Variants in DHX15 observed in about 807,000 individuals in gnomAD.
The protein encoded by DHX15 is DEAH-box helicase 15.
A neutral mutation model predicts 94.4 loss-of-function variants in DHX15; 11 were observed. That is an observed-to-expected ratio of 0.12 (90% CI 0.07 to 0.19). DHX15 has a LOEUF of 0.19. DHX15 is among the 10% of genes least tolerant of loss of function. DHX15 has a pLI of 1.00. For synonymous variants in DHX15, 338 were observed against 329.9 expected (o/e 1.02, Z -0.27); for missense variants, 304 against 988.5 (o/e 0.31, Z 9.29).
At chr4:24,548,081 T>C (rs1476434575) in intron 6 of DHX15, among the ~76,000 whole-genome samples, 1 of 150,148 alleles carries the variant, frequency 6.7e-6, no homozygotes. Flanking sequence ...TTTGACAGGA[T>C]CTAGATGAAG....
chr4:24,571,341 C>T (rs1423047447), intron 2 of DHX15, among the ~76,000 whole-genome samples: 1 of 152,146 alleles, frequency 6.6e-6, no homozygotes, highest in Non-Finnish European at 1.5e-5. Flanking sequence ...TAATCCTATC[C>T]TTTCCCCCTC....
At chr4:24,547,065 A>C (rs1001893824) in intron 6 of DHX15, among the ~76,000 whole-genome samples, 1 of 152,184 alleles carries the variant, frequency 6.6e-6, no homozygotes, top group African/African-American at 2.4e-5. Context: ...GTTCTTCCTC[A>C]TAATGAAAAT....
At chr4:24,561,873 G>A (rs899678863) in intron 3 of DHX15, among the ~76,000 whole-genome samples, 17 of 152,172 alleles carry the variant, frequency 1.1e-4, no homozygotes, top group Admixed American at 4.6e-4. Flanking sequence ...ACACCAGCCC[G>A]TAATCCCAGC....
Position 24,555,220 on chromosome 4 carries a change from A to C in DHX15, c.862-277T>G, listed in dbSNP as rs552877281. Reference sequence around the variant, plus strand: ...TTTTATAAAATTATATGTAATTCAGATTGCTAAAAGAAAACATTAATATGC... The same window carrying C: ...TTTTATAAAATTATATGTAATTCAGCTTGCTAAAAGAAAACATTAATATGC... On this transcript the variant is annotated intron_variant, in intron 4 of 13. Transcript: ENST00000336812. Among the ~76,000 whole-genome samples, 3 of 152,116 alleles carry C rather than the reference A, an allele frequency of 2.0e-5. No homozygotes were observed. In the East Asian group the frequency reaches 5.8e-4, roughly 29 times the overall value.
At chr4:24,577,344 T>C (rs867263321) in intron 1 of DHX15, among the ~76,000 whole-genome samples, 77 of 152,244 alleles carry the variant, frequency 5.1e-4, no homozygotes, top group African/African-American at 1.8e-3. Context: ...GAATTTGTTT[T>C]CTTAGTTATA....
Position 24,581,462 on chromosome 4 carries a change from A to G in DHX15, c.71+2861T>C, listed in dbSNP as rs550456436. Among the ~76,000 whole-genome samples the G allele has an allele frequency of 1.2e-4, 19 of 152,370 alleles. No individual in the cohort carries two copies. In the East Asian group the frequency reaches 3.1e-3, roughly 25 times the overall value. ...TTTTATAGTTCATATTTTTGAGTCA[A>G]TATGCAGAGATCTTAGAAAATGTTC... On this transcript the variant is annotated intron_variant, in intron 1 of 13. Coordinates refer to ENST00000336812, the MANE Select transcript of DHX15 (RefSeq NM_001358.3).
chr4:24,551,865 T>G (rs1052377206), intron 5 of DHX15, among the ~76,000 whole-genome samples: 5 of 152,194 alleles, frequency 3.3e-5, no homozygotes, highest in Non-Finnish European at 4.4e-5. Flanking sequence ...GTGCTTAAAT[T>G]AGACATTTGC....
rs943840351 is a variant in DHX15, at chr4:24,541,011, A to G, written c.1486-63T>C. 1.3e-5 allele frequency: 13 copies of G among 1,011,414 alleles called. No individual in the cohort carries two copies. The African/African-American group carries it at 2.1e-4, about 16-fold the overall frequency. The allele number at this position is 1,011,414 out of a possible 1,614,324, so 62.7% of individuals were successfully genotyped here. The stretch of plus-strand genomic sequence containing the variant: ...AATGCCTCAGTCTCCTCGTTCCAGA[A>G]AACAAAAATCTGCTGCCTCCTGAGC... On this transcript the variant is annotated intron_variant, in intron 8 of 13. Transcript: ENST00000336812.
chr4:24,554,478 A>G (rs1382505319), intron 5 of DHX15, among the ~76,000 whole-genome samples: 1 of 152,202 alleles, frequency 6.6e-6, no homozygotes, highest in African/African-American at 2.4e-5. Flanking sequence ...TTAAACTACA[A>G]TTGCAAAATC....
At chr4:24,534,662 C>A (rs773888585) in intron 11 of DHX15, among the ~76,000 whole-genome samples, 3 of 152,052 alleles carry the variant, frequency 2.0e-5, no homozygotes, top group Non-Finnish European at 4.4e-5. Context: ...CAAGGTACTG[C>A]AAAATAACTT....
In DHX15 at chr4:24,584,487, A is replaced by G; in HGVS notation, c.-94T>C. On this transcript the variant is annotated 5_prime_UTR_variant, in exon 1 of 14. Transcript: ENST00000336812. ...AGCCACTTAACTCTGGAGGACCCCCACCCCTCCCGCTACTACAGCCCACAC... is the reference window on the plus strand; with the variant it reads ...AGCCACTTAACTCTGGAGGACCCCCGCCCCTCCCGCTACTACAGCCCACAC... 8.2e-7 allele frequency: 1 copy of G among 1,222,140 alleles called. No individual in the cohort carries two copies. The highest frequency in any genetic ancestry group is 1.1e-6 in the Non-Finnish European group (1 of 874,688). 75.7% of individuals were successfully genotyped at this position (1,222,140 alleles called of 1,614,324 possible). A position where few individuals can be genotyped will look rare whatever the true frequency, so the allele number is the denominator to read the frequency against.
At chr4:24,556,918 A>C (rs1721750139) in intron 3 of DHX15, among the ~76,000 whole-genome samples, 1 of 152,202 alleles carries the variant, frequency 6.6e-6, no homozygotes, top group Admixed American at 6.5e-5. Context: ...TGAAAGCGTG[A>C]GTCCTCCCAC....
intron 1 of DHX15, among the ~76,000 whole-genome samples, chr4:24,581,745 CT>C (rs773589115): frequency 1.4e-4 from 22 of 152,260 alleles, no homozygotes; most frequent in South Asian, 4.1e-4. Context: ...AAAAACGCCC[CT>C]AACATCGAAA....
At chr4:24,569,067 G>A (rs1000177650) in intron 3 of DHX15, among the ~76,000 whole-genome samples, 2 of 152,116 alleles carry the variant, frequency 1.3e-5, no homozygotes, top group African/African-American at 4.8e-5. Context: ...TGACACAAAT[G>A]TTGAATGAAA....
At chr4:24,545,785 A>T (rs1721409710) in intron 6 of DHX15, among the ~76,000 whole-genome samples, 1 of 152,198 alleles carries the variant, frequency 6.6e-6, no homozygotes, top group Non-Finnish European at 1.5e-5. Context: ...TTGTCAAGGG[A>T]TTTACATTAT....
chr4:24,542,907 CTCTAA>C (rs1454278379), intron 7 of DHX15, 28 bp downstream of exon 7: 41 of 1,511,962 alleles, frequency 2.7e-5, no homozygotes, highest in Non-Finnish European at 3.7e-5. Flanking sequence ...GTTAAACCAA[CTCTAA>C]TTTATAAAGT....
intron 6 of DHX15, among the ~76,000 whole-genome samples, chr4:24,543,556 A>G (rs568834130): frequency 6.6e-6 from 1 of 152,266 alleles, no homozygotes; most frequent in African/African-American, 2.4e-5. Context: ...AATCAAATGT[A>G]AATATTTCGG....
intron 1 of DHX15, among the ~76,000 whole-genome samples, chr4:24,583,998 G>T (rs1722543600): frequency 6.6e-6 from 1 of 152,112 alleles, no homozygotes. Flanking sequence ...CCGAGGCCAC[G>T]AGGTCCGCGG....
chr4:24,555,045 T>C lies in DHX15; in HGVS notation c.862-102A>G, dbSNP rs898031292. ...ATTCTACATATATCAGCTATAAAAA[T>C]GCCCATGAAAACCTTCAAATAAACT... is the stretch of plus-strand genomic sequence containing the variant. On this transcript the variant is annotated intron_variant, in intron 4 of 13. Coordinates refer to ENST00000336812, the MANE Select transcript of DHX15 (RefSeq NM_001358.3). 2.3e-5 allele frequency: 18 copies of C among 794,664 alleles called. No individual in the cohort carries two copies. In the African/African-American group the frequency reaches 2.6e-4, roughly 12 times the overall value. 49.2% of individuals were successfully genotyped at this position (794,664 alleles called of 1,614,324 possible).
Sources: gnomAD v4.1 joint callset for allele counts (sites outside exome capture counted in the v4.1 genomes callset) on GRCh38, gnomAD v4.1.1 for gene constraint, MANE v1.5 for transcripts, NCBI Gene and HGNC (gene_info 2026-07-23, HGNC 2026-07-21) for gene names.